The following AR variants were observed in gnomAD, a reference collection of about 807,000 sequenced individuals.
AR encodes androgen receptor, also known as dihydrotestosterone receptor.
A neutral mutation model predicts 53.9 loss-of-function variants in AR; 8 were observed. The observed-to-expected ratio is 0.15, with a 90% CI of 0.09 to 0.27. The LOEUF (loss-of-function observed/expected upper bound fraction) is 0.27, where lower values mean the gene tolerates loss of function less well. Among genes scored for constraint, AR ranks in the 10% least tolerant of loss-of-function variants. The pLI is 1.00. For synonymous variants in AR, 359 were observed against 316.4 expected (o/e 1.13, Z -1.43); for missense variants, 639 against 742.5 (o/e 0.86, Z 1.62).
intron 1 of AR, among the ~76,000 whole-genome samples, chrX:67,573,834 T>G (rs1375508644): frequency 8.9e-6 from 1 of 112,218 alleles, no homozygotes; most frequent in African/African-American, 3.2e-5. Flanking sequence ...TCATCATTTC[T>G]GTTTGTTATG....
At chrX:67,642,409 TC>T (rs1275857261) in intron 1 of AR, among the ~76,000 whole-genome samples, 4 of 111,999 alleles carry the variant, frequency 3.6e-5, no homozygotes, top group Admixed American at 9.5e-5. Context: ...CTCCTTCATA[TC>T]CACCTGAAAG....
At chrX:67,663,579 T>C (rs1927077922) in intron 2 of AR, among the ~76,000 whole-genome samples, 1 of 112,066 alleles carries the variant, frequency 8.9e-6, no homozygotes, top group Non-Finnish European at 1.9e-5. Flanking sequence ...ATTTCAACTT[T>C]GGTGAATCTG....
intron 2 of AR, among the ~76,000 whole-genome samples, chrX:67,684,841 G>C (rs967347835): frequency 9.0e-6 from 1 of 111,221 alleles, no homozygotes; most frequent in African/African-American, 3.3e-5. Context: ...GAGGAAAGCT[G>C]ATGTATAGTT....
chrX:67,622,135 G>T (rs1924411972), intron 1 of AR, among the ~76,000 whole-genome samples: 1 of 112,015 alleles, frequency 8.9e-6, no homozygotes, highest in South Asian at 3.7e-4. Context: ...AAAAATATTG[G>T]TTCAGTAAGA....
intron 1 of AR, among the ~76,000 whole-genome samples, chrX:67,601,388 T>C (rs1404174390): frequency 8.9e-6 from 1 of 111,852 alleles, no homozygotes; most frequent in Non-Finnish European, 1.9e-5. Context: ...AGTTGCTTGA[T>C]AGTAAATGCT....
At position 67,717,495 on chromosome X, in the gene AR, G is replaced by A. The variant is rs137852571; in HGVS notation, c.2191G>A (p.Val731Met). ...TTCTCCAGGCTTCCGCAACTTACAC[G>A]TGGACGACCAGATGGCTGTCATTCA... ...KALPGFRNLH[V>M]DDQMAVIQYS... The change falls in exon 5 of 8, where the codon GTG (valine) becomes ATG (methionine). Residue 731 changes from valine to methionine, a missense_variant. Val to Met is a conservative substitution (Grantham distance 21, BLOSUM62 1). Coordinates refer to ENST00000374690, the MANE Select transcript of AR (RefSeq NM_000044.6). 2.4e-5 allele frequency: 29 copies of A among 1,210,381 alleles called. No individual in the cohort carries two copies. In the East Asian group the frequency reaches 3.0e-4, roughly 12 times the overall value.
At chrX:67,618,639 C>T (rs181109409) in intron 1 of AR, among the ~76,000 whole-genome samples, 26 of 111,543 alleles carry the variant, frequency 2.3e-4, no homozygotes, top group African/African-American at 8.1e-4. Context: ...CTAATAGGTG[C>T]TTTGAAAGAA....
intron 3 of AR, among the ~76,000 whole-genome samples, chrX:67,701,025 G>A (rs1253408735): frequency 9.0e-6 from 1 of 111,501 alleles, no homozygotes; most frequent in Non-Finnish European, 1.9e-5. Flanking sequence ...CCAGAGAACA[G>A]TGTACATTCA....
intron 1 of AR, among the ~76,000 whole-genome samples, chrX:67,628,977 A>G (rs1371732573): frequency 4.5e-5 from 5 of 111,603 alleles, no homozygotes; most frequent in African/African-American, 6.5e-5. Context: ...TTGCATCCCA[A>G]GGATGAAGCC....
chrX:67,688,411 A>G (rs2075978490), intron 3 of AR, among the ~76,000 whole-genome samples: 1 of 111,904 alleles, frequency 8.9e-6, no homozygotes, highest in Non-Finnish European at 1.9e-5. Flanking sequence ...ATGAATGTGA[A>G]CATCCTTGAT....
chrX:67,573,436 C>T (rs189536862), intron 1 of AR, among the ~76,000 whole-genome samples: 8 of 111,456 alleles, frequency 7.2e-5, no homozygotes, highest in Non-Finnish European at 1.3e-4. Flanking sequence ...GGCCCGTTAA[C>T]GTTTATCCAT....
chrX:67,553,661 C>T (rs920277212), intron 1 of AR, among the ~76,000 whole-genome samples: 3 of 111,754 alleles, frequency 2.7e-5, no homozygotes, highest in East Asian at 2.8e-4. Flanking sequence ...ATCTCAACAA[C>T]GTTAAGTTAT....
intron 2 of AR, among the ~76,000 whole-genome samples, chrX:67,658,222 T>C (rs761081959): frequency 2.2e-4 from 25 of 112,066 alleles, no homozygotes; most frequent in African/African-American, 7.8e-4. Context: ...AGAGAAGTTC[T>C]GAAGAGAAAA....
intron 1 of AR, among the ~76,000 whole-genome samples, chrX:67,575,238 G>A (rs1216509646): frequency 2.7e-5 from 3 of 110,965 alleles, no homozygotes; most frequent in Non-Finnish European, 5.7e-5. Flanking sequence ...GGAAAAACTG[G>A]GCCACCCATC....
At chrX:67,641,351 A>T (rs1193406360) in intron 1 of AR, among the ~76,000 whole-genome samples, 1 of 112,047 alleles carries the variant, frequency 8.9e-6, no homozygotes, top group Non-Finnish European at 1.9e-5. Flanking sequence ...GCCTAAATAC[A>T]TGTTCTTCTG....
In AR at chrX:67,703,611, G is replaced by GA. The variant is rs201851206; in HGVS notation, c.1886-7784dup. ...CGCTCTTCTCCCCTTTGCTAAAAAA[G>GA]AAAAAAATCAATATGTATGTTACAG... On this transcript the variant is annotated intron_variant, in intron 3 of 7. Transcript: ENST00000374690. Among the ~76,000 whole-genome samples, 137 of 111,611 alleles carry GA rather than the reference G, an allele frequency of 1.2e-3. 2 individuals are homozygous for GA. The East Asian group carries it at 0.036, about 29-fold the overall frequency.
chrX:67,708,518 A>G (rs924925479), intron 3 of AR, among the ~76,000 whole-genome samples: 1 of 111,610 alleles, frequency 9.0e-6, no homozygotes, highest in African/African-American at 3.3e-5. Flanking sequence ...CCGTCTCTAC[A>G]TTGATTATTC....
At chrX:67,563,472 A>G (rs1273110773) in intron 1 of AR, among the ~76,000 whole-genome samples, 1 of 111,701 alleles carries the variant, frequency 9.0e-6, no homozygotes, top group Non-Finnish European at 1.9e-5. Flanking sequence ...GCATAGTACA[A>G]GCTTCATAAA....
chrX:67,544,927 C>T lies in AR; in HGVS notation c.-220C>T, dbSNP rs1377213972. The stretch of plus-strand genomic sequence containing the variant: ...GAGACAGACTGTGAGCCTAGCAGGG[C>T]AGATCTTGTCCACCGTGTGTCTTCT... On this transcript the variant is annotated 5_prime_UTR_variant, in exon 1 of 8. Transcript: ENST00000374690. The T allele has an allele frequency of 1.9e-5, 8 of 413,977 alleles. No homozygotes were observed. Among genetic ancestry groups the T allele is most frequent in the African/African-American group, 1.5e-4 (6 of 39,556 alleles). 34.1% of individuals were successfully genotyped at this position (413,977 alleles called of 1,213,427 possible).
Sources: allele counts gnomAD v4.1 joint callset (sites outside exome capture counted in the v4.1 genomes callset), GRCh38; gene constraint gnomAD v4.1.1; transcripts MANE v1.5; gene names NCBI Gene and HGNC (gene_info 2026-07-23, HGNC 2026-07-21).